The following SPAM1 variants were observed in gnomAD, a reference collection of about 807,000 sequenced individuals.
SPAM1 encodes the protein hyaluronidase PH-20.
SPAM1 carries 22 observed loss-of-function variants against 29.6 expected under a neutral mutation model. The ratio of observed to expected loss-of-function variants is 0.74; its 90% CI spans 0.53 to 1.06. The LOEUF (loss-of-function observed/expected upper bound fraction) is 1.06, where lower values mean the gene tolerates loss of function less well. Ranked by LOEUF, SPAM1 falls within the 50% of genes least tolerant of loss-of-function variation. The pLI, the probability that SPAM1 is intolerant of heterozygous loss-of-function variation, is 0.00. For synonymous variants in SPAM1, 194 were observed against 204.6 expected (o/e 0.95, Z 0.44); for missense variants, 534 against 604.0 (o/e 0.88, Z 1.21).
chr7:123,936,247 C>T (rs1289023220), intron 1 of SPAM1, among the ~76,000 whole-genome samples: 6 of 152,148 alleles, frequency 3.9e-5, no homozygotes, highest in African/African-American at 1.2e-4. Context: ...ACTCTCAAAT[C>T]CATCTCTTCA....
At position 123,954,425 on chromosome 7, in the gene SPAM1, C is replaced by A. The variant is rs1222813945; in HGVS notation, c.855C>A (p.Ala285=). 3 of 1,613,270 alleles carry A rather than the reference C, an allele frequency of 1.9e-6. No individual in the cohort carries two copies. Among genetic ancestry groups the A allele is most frequent in the Non-Finnish European group, 2.5e-6 (3 of 1,179,636 alleles). Residue 285 remains alanine (A), a synonymous_variant, in exon 3 of 5, where the codon GCC becomes GCA. Coordinates refer to ENST00000682466, the MANE Select transcript of SPAM1 (RefSeq NM_153189.3). ...ATGTGCGCAATCGAGTTCGGGAAGC[C>A]ATCAGAGTTTCCAAAATACCTGATG... is the stretch of plus-strand genomic sequence containing the variant. ...TLYVRNRVRE[A]IRVSKIPDAK...
intron 1 of SPAM1, among the ~76,000 whole-genome samples, chr7:123,946,766 T>G (rs561531494): frequency 2.2e-4 from 33 of 152,286 alleles, no homozygotes; most frequent in Non-Finnish European, 4.4e-4. Flanking sequence ...TTTAGTCTGG[T>G]TCAGTGAATC....
At chr7:123,939,192 TCTC>T (rs1283804686) in intron 1 of SPAM1, among the ~76,000 whole-genome samples, 2 of 151,550 alleles carry the variant, frequency 1.3e-5, no homozygotes, top group African/African-American at 4.9e-5. Flanking sequence ...TTCACGCCAT[TCTC>T]CTGCCTCAGC....
chr7:123,969,020 T>A (rs76922510), intron 5 of SPAM1, among the ~76,000 whole-genome samples: 15,379 of 152,088 alleles, frequency 0.1, 842 homozygotes, highest in South Asian at 0.12. Context: ...ACTGTTATTA[T>A]CTGAAGAAAC....
Position 123,953,836 on chromosome 7 carries a change from C to T in SPAM1, c.266C>T (p.Thr89Ile). 2 of 1,613,510 alleles carry T rather than the reference C, an allele frequency of 1.2e-6. No individual in the cohort carries two copies. The highest frequency in any genetic ancestry group is 1.7e-6 in the Non-Finnish European group (2 of 1,179,740). ...PRINATGQGV[T>I]IFYVDRLGYY... ...ATAAACGCCACCGGGCAAGGTGTTACAATATTTTATGTTGATAGACTTGGC... is the reference window on the plus strand; with the variant it reads ...ATAAACGCCACCGGGCAAGGTGTTATAATATTTTATGTTGATAGACTTGGC... Residue 89 changes from threonine to isoleucine, a missense_variant, in exon 3 of 5, where the codon ACA becomes ATA. Transcript: ENST00000682466.
Position 123,935,089 on chromosome 7 carries a change from C to T in SPAM1, c.-319+9737C>T, listed in dbSNP as rs1176226975. ...TGTATACGTGTATTGAAACACACACCGTACCCTATAAATAGGTAAAATTAT... is the reference window on the plus strand; with the variant it reads ...TGTATACGTGTATTGAAACACACACTGTACCCTATAAATAGGTAAAATTAT... On this transcript the variant is annotated intron_variant, in intron 1 of 4. Transcript: ENST00000682466. 5.3e-5 allele frequency among the ~76,000 whole-genome samples: 8 copies of T among 152,114 alleles called. No homozygotes were observed. The East Asian group carries it at 7.7e-4, about 15-fold the overall frequency.
intron 1 of SPAM1, among the ~76,000 whole-genome samples, chr7:123,935,022 G>C (rs1017993583): frequency 6.6e-6 from 1 of 152,130 alleles, no homozygotes; most frequent in Non-Finnish European, 1.5e-5. Flanking sequence ...TGATGAATTA[G>C]ATGACAGATA....
chr7:123,950,914 T>C (rs1226520490), intron 2 of SPAM1, among the ~76,000 whole-genome samples: 1 of 152,010 alleles, frequency 6.6e-6, no homozygotes, highest in Non-Finnish European at 1.5e-5. Context: ...TCTGCATCCA[T>C]GACAACATTT....
chr7:123,939,156 G>C (rs1584950714), intron 1 of SPAM1, among the ~76,000 whole-genome samples: 2 of 150,544 alleles, frequency 1.3e-5, no homozygotes, highest in African/African-American at 4.9e-5. Flanking sequence ...TGCGATCTCG[G>C]CTCACTGCAA....
intron 1 of SPAM1, among the ~76,000 whole-genome samples, chr7:123,931,063 TC>T (rs149887669): frequency 0.036 from 5,440 of 152,076 alleles, 280 homozygotes; most frequent in Admixed American, 0.14. Flanking sequence ...TAAAACAAAC[TC>T]CCCTGAAAGC....
At chr7:123,962,904 G>T (rs1295376420), downstream of SPAM1, among the ~76,000 whole-genome samples, 1 of 151,672 alleles carries the variant, frequency 6.6e-6, no homozygotes. Context: ...TTGATAACTT[G>T]CTTTCCATAT....
intron 5 of SPAM1, among the ~76,000 whole-genome samples, chr7:123,966,035 A>G (rs1456495017): frequency 6.6e-6 from 1 of 152,064 alleles, no homozygotes; most frequent in Non-Finnish European, 1.5e-5. Flanking sequence ...CAAAGATCTA[A>G]TATCTGTAGT....
intron 6 of SPAM1, among the ~76,000 whole-genome samples, chr7:123,970,686 C>T (rs1792486886): frequency 6.6e-6 from 1 of 150,976 alleles, no homozygotes; most frequent in Non-Finnish European, 1.5e-5. Flanking sequence ...CAGTTCAGTC[C>T]ATAACAAAAT....
chr7:123,930,497 T>G (rs1460088445), intron 1 of SPAM1, among the ~76,000 whole-genome samples: 1 of 152,166 alleles, frequency 6.6e-6, no homozygotes, highest in Non-Finnish European at 1.5e-5. Context: ...AAGACTCTCA[T>G]TGTCACACAT....
chr7:123,946,481 A>G (rs1808579211), intron 1 of SPAM1, among the ~76,000 whole-genome samples: 1 of 152,164 alleles, frequency 6.6e-6, no homozygotes. Flanking sequence ...ATATGTCTTA[A>G]TACATTTAGA....
At chr7:123,933,925 T>G (rs1405673443) in intron 1 of SPAM1, among the ~76,000 whole-genome samples, 1 of 152,188 alleles carries the variant, frequency 6.6e-6, no homozygotes, top group Non-Finnish European at 1.5e-5. Context: ...TCCTATCATC[T>G]AATGATGTTA....
chr7:123,970,608 AATT>A (rs1554432383), intron 6 of SPAM1, among the ~76,000 whole-genome samples: 3 of 147,262 alleles, frequency 2.0e-5, no homozygotes, highest in Admixed American at 6.8e-5. Context: ...TAATAATAAT[AATT>A]ATTATTATTA....
At chr7:123,937,347 A>G (rs1032983907) in intron 1 of SPAM1, among the ~76,000 whole-genome samples, 9 of 152,132 alleles carry the variant, frequency 5.9e-5, no homozygotes, top group Non-Finnish European at 1.3e-4. Flanking sequence ...CACGCCTGTA[A>G]TCCCAGCATT....
rs752659410 is a variant in SPAM1, at chr7:123,954,055, A to T, written c.485A>T (p.Asp162Val). Residue 162 changes from aspartate (D) to valine (V), a missense_variant, in exon 3 of 5, where the codon GAT (aspartate) becomes GTT (valine). Transcript: ENST00000682466. Reference protein sequence around the residue: ...PTWARNWKPKDVYKNRSIELV... With the variant: ...PTWARNWKPKVVYKNRSIELV... ...TGGGCAAGAAACTGGAAACCTAAAG[A>T]TGTTTACAAGAATAGGTCTATTGAA... is the stretch of plus-strand genomic sequence containing the variant. 6.2e-7 allele frequency: 1 copy of T among 1,613,586 alleles called. No homozygotes were observed. Among genetic ancestry groups the T allele is most frequent in the Non-Finnish European group, 8.5e-7 (1 of 1,179,754 alleles).
Sources: allele counts gnomAD v4.1 joint callset (sites outside exome capture counted in the v4.1 genomes callset), GRCh38; gene constraint gnomAD v4.1.1; transcripts MANE v1.5; gene names NCBI Gene and HGNC (gene_info 2026-07-23, HGNC 2026-07-21).